The following RUFY3 variants were observed in gnomAD, a reference collection of about 807,000 sequenced individuals.
RUFY3 encodes the protein RUN and FYVE domain containing 3, also known as protein RUFY3.
In RUFY3, 34 loss-of-function variants were observed where a neutral mutation model predicts 84.0. That is an observed-to-expected ratio of 0.40 (90% CI 0.31 to 0.54). RUFY3 has a LOEUF of 0.54. RUFY3 is among the 20% of genes least tolerant of loss of function. The pLI, the probability that RUFY3 is intolerant of heterozygous loss-of-function variation, is 0.39. For missense variants in RUFY3, 507 were observed against 736.8 expected, an observed-to-expected ratio of 0.69 and a Z score of 3.61; for synonymous variants, 242 against 252.9, an observed-to-expected ratio of 0.96 and a Z score of 0.41.
At chr4:70,721,063 C>G (rs919268660), upstream of RUFY3, among the ~76,000 whole-genome samples, 1 of 152,126 alleles carries the variant, frequency 6.6e-6, no homozygotes, top group Non-Finnish European at 1.5e-5. Context: ...CCTGTAATCC[C>G]AGCACTTTGG....
chr4:70,805,813 C>T (rs1255659097), intron 17 of RUFY3, among the ~76,000 whole-genome samples: 1 of 152,202 alleles, frequency 6.6e-6, no homozygotes, highest in African/African-American at 2.4e-5. Context: ...ATGAAGGTAG[C>T]ACTTCATGGG....
chr4:70,772,158 G>C (rs556108875), intron 5 of RUFY3, among the ~76,000 whole-genome samples: 2 of 150,632 alleles, frequency 1.3e-5, no homozygotes, highest in Admixed American at 6.6e-5. Context: ...TATATATATA[G>C]TATATAGGTG....
intron 8 of RUFY3, among the ~76,000 whole-genome samples, chr4:70,782,185 A>T (rs1729033276): frequency 6.6e-6 from 1 of 152,142 alleles, no homozygotes; most frequent in Non-Finnish European, 1.5e-5. Flanking sequence ...TTATTAATAA[A>T]TAATTTTTTT....
At chr4:70,791,167 C>T in intron 12 of RUFY3, 2 of 1,414,586 alleles carry the variant, frequency 1.4e-6, no homozygotes, top group East Asian at 2.3e-5. Context: ...TTTTGTGTTT[C>T]CTGTTTATCC....
At position 70,763,631 on chromosome 4, in the gene RUFY3, A is replaced by G. The variant is rs1312965448; in HGVS notation, c.432A>G (p.Ala144=). 1.2e-6 allele frequency: 2 copies of G among 1,612,174 alleles called. No homozygotes were observed. Among genetic ancestry groups the G allele is most frequent in the Admixed American group, 3.3e-5 (2 of 59,968 alleles). The change falls in exon 3 of 18, where the codon GCA becomes GCG. Residue 144 remains alanine, a synonymous_variant. Transcript: ENST00000381006. The part of the protein sequence containing the change: ...ELVEKLVPEA[A]EITASVKDLP... ...TAGAAAAGCTTGTTCCAGAAGCCGCAGAGATAACAGCAAGTGTTAAAGATC... is the reference window on the plus strand; with the variant it reads ...TAGAAAAGCTTGTTCCAGAAGCCGCGGAGATAACAGCAAGTGTTAAAGATC...
At chr4:70,796,803 C>A (rs976894417) in intron 14 of RUFY3, among the ~76,000 whole-genome samples, 1 of 152,122 alleles carries the variant, frequency 6.6e-6, no homozygotes, top group Non-Finnish European at 1.5e-5. Flanking sequence ...AAAGCATTGT[C>A]CCCAAAAGCT....
chr4:70,726,806 C>T (rs1451522570), intron 1 of RUFY3, among the ~76,000 whole-genome samples: 3 of 152,244 alleles, frequency 2.0e-5, no homozygotes, highest in East Asian at 1.9e-4. Context: ...CATGGAAAGG[C>T]GGGGGTGAAG....
chr4:70,737,343 T>C (rs1370490343), intron 1 of RUFY3, among the ~76,000 whole-genome samples: 1 of 152,168 alleles, frequency 6.6e-6, no homozygotes, highest in Non-Finnish European at 1.5e-5. Context: ...AGAATTTGCT[T>C]TTTGGGATGA....
chr4:70,725,550 C>T (rs1300182663), intron 1 of RUFY3, among the ~76,000 whole-genome samples: 1 of 152,094 alleles, frequency 6.6e-6, no homozygotes, highest in Non-Finnish European at 1.5e-5. Flanking sequence ...AGGCTGGTCT[C>T]GAACTCCCAA....
At chr4:70,705,338 A>C (rs1196083478) in intron 1 of RUFY3, 1 of 1,292,034 alleles carries the variant, frequency 7.7e-7, no homozygotes, top group Admixed American at 4.0e-5. Flanking sequence ...GGAAGGGAGC[A>C]TTCGGCTGGG....
Position 70,806,118 on chromosome 4 carries a change from G to C in RUFY3, c.1720-398G>C, listed in dbSNP as rs146239549. Among the ~76,000 whole-genome samples, 520 of 152,230 alleles carry C rather than the reference G, an allele frequency of 3.4e-3. 4 individuals carry two copies. Among genetic ancestry groups the C allele is most frequent in the African/African-American group, 0.012 (488 of 41,540 alleles). The stretch of plus-strand genomic sequence containing the variant: ...AATTATACTTTCAGTTCATACTCTG[G>C]ACATTTTTAAATCTTAGCCTGTTCA... On this transcript the variant is annotated intron_variant, in intron 17 of 17. Coordinates refer to ENST00000381006, the MANE Select transcript of RUFY3 (RefSeq NM_001037442.4).
intron 10 of RUFY3, among the ~76,000 whole-genome samples, chr4:70,788,271 C>T (rs1001008130): frequency 1.4e-5 from 2 of 147,086 alleles, no homozygotes; most frequent in Admixed American, 1.4e-4. Context: ...AGCGACAGAG[C>T]GAGACTCTGT....
At chr4:70,779,631 G>A (rs1231936274) in intron 8 of RUFY3, among the ~76,000 whole-genome samples, 29 of 148,652 alleles carry the variant, frequency 2.0e-4, no homozygotes, top group African/African-American at 6.7e-4. Context: ...TGTTGTCCAG[G>A]CTGGAATGCA....
At chr4:70,806,402 T>G in intron 17 of RUFY3, 114 bp from the exon 18 acceptor site, 1 of 1,186,890 alleles carries the variant, frequency 8.4e-7, no homozygotes, top group East Asian at 2.4e-5. Context: ...ATAGTAAACA[T>G]TCAGTCATTG....
chr4:70,781,908 A>G (rs1316684420), intron 8 of RUFY3, among the ~76,000 whole-genome samples: 1 of 152,208 alleles, frequency 6.6e-6, no homozygotes, highest in Non-Finnish European at 1.5e-5. Flanking sequence ...AGAGAAGAAA[A>G]AAGTGTTTCC....
chr4:70,745,250 A>G (rs1321089203), intron 1 of RUFY3, among the ~76,000 whole-genome samples: 14 of 152,034 alleles, frequency 9.2e-5, no homozygotes, highest in Admixed American at 8.5e-4. Context: ...GGCCTGAACT[A>G]TTTTTTACAG....
At chr4:70,772,701 C>T (rs970895699) in intron 5 of RUFY3, among the ~76,000 whole-genome samples, 5 of 150,720 alleles carry the variant, frequency 3.3e-5, no homozygotes, top group Non-Finnish European at 7.4e-5. Context: ...GCTCTTGTTG[C>T]CCAGGCTGGA....
intron 1 of RUFY3, among the ~76,000 whole-genome samples, chr4:70,748,386 C>A (rs1473777887): frequency 6.6e-6 from 1 of 152,210 alleles, no homozygotes; most frequent in Non-Finnish European, 1.5e-5. Flanking sequence ...CATTTAGGAT[C>A]TACCTCAAGT....
intron 10 of RUFY3, among the ~76,000 whole-genome samples, chr4:70,786,987 A>G (rs953551538): frequency 6.6e-6 from 1 of 151,666 alleles, no homozygotes; most frequent in African/African-American, 2.4e-5. Context: ...CCTGGGCAAC[A>G]TAGGGACACC....
Sources: allele counts gnomAD v4.1 joint callset (sites outside exome capture counted in the v4.1 genomes callset), GRCh38; gene constraint gnomAD v4.1.1; transcripts MANE v1.5; gene names NCBI Gene and HGNC (gene_info 2026-07-23, HGNC 2026-07-21).